The following MDGA1 variants were observed in gnomAD, a reference collection of about 807,000 sequenced individuals.
MDGA1 encodes the protein MAM domain containing glycosylphosphatidylinositol anchor 1, also known as MAM domain-containing glycosylphosphatidylinositol anchor protein 1.
In MDGA1, 54 loss-of-function variants were observed where a neutral mutation model predicts 101.5. The observed-to-expected ratio is 0.53, with a 90% CI of 0.43 to 0.67. The LOEUF (loss-of-function observed/expected upper bound fraction) is 0.67. MDGA1 is among the 30% of genes least tolerant of loss of function. MDGA1 has a pLI of 0.00. For missense variants in MDGA1, 1,083 were observed against 1,323.8 expected (o/e 0.82, Z 2.82); for synonymous variants, 533 against 558.3 (o/e 0.95, Z 0.64).
At chr6:37,669,451 G>A (rs2114064959) in intron 1 of MDGA1, among the ~76,000 whole-genome samples, 1 of 152,256 alleles carries the variant, frequency 6.6e-6, no homozygotes, top group African/African-American at 2.4e-5. Flanking sequence ...TTTGGTTCCA[G>A]GTACAGTTTT....
intron 9 of MDGA1, chr6:37,648,637 C>T: frequency 2.7e-6 from 1 of 363,928 alleles, no homozygotes; most frequent in Non-Finnish European, 4.9e-6. Flanking sequence ...TGTCACACGC[C>T]CAGGAAGCGG....
rs147273087 is a variant in MDGA1, at chr6:37,644,230, G to T, written c.2401+267C>A. 2.0e-4 allele frequency among the ~76,000 whole-genome samples: 30 copies of T among 152,134 alleles called. 1 individual carries two copies. Among genetic ancestry groups the T allele is most frequent in the Middle Eastern group, 3.4e-3 (1 of 294 alleles). ...GTGCTCATGAGTCCTTGGCTCTACT[G>T]TAATTCCTCTTCCTCTTGATCCTCT... On this transcript the variant is annotated intron_variant, in intron 13 of 16. Transcript: ENST00000434837.
At chr6:37,650,904 T>C (rs1032659098) in intron 7 of MDGA1, among the ~76,000 whole-genome samples, 1 of 152,220 alleles carries the variant, frequency 6.6e-6, no homozygotes, top group Non-Finnish European at 1.5e-5. Context: ...CAGCCTGCAT[T>C]ATCGTTAGCT....
In MDGA1 at chr6:37,635,921, G is replaced by A. The variant is rs544411873; in HGVS notation, c.*1447C>T. 3.4e-4 allele frequency: 135 copies of A among 396,938 alleles called. 1 individual carries two copies. The South Asian group carries it at 0.014, about 42-fold the overall frequency. 24.6% of individuals were successfully genotyped at this position (396,938 alleles called of 1,614,324 possible). On this transcript the variant is annotated 3_prime_UTR_variant, in exon 17 of 17. Coordinates refer to ENST00000434837, the MANE Select transcript of MDGA1 (RefSeq NM_153487.4). ...GACGTACACGGACATTCATAGAAAC[G>A]AATGGGTCTCAATCCAGTCTCACAG...
chr6:37,657,969 C>T (rs2114038098), intron 3 of MDGA1, among the ~76,000 whole-genome samples: 1 of 152,328 alleles, frequency 6.6e-6, no homozygotes, highest in Middle Eastern at 3.4e-3. Flanking sequence ...TCACATGGGA[C>T]CTCAGTTTTC....
chr6:37,632,670 A>T lies in MDGA1; in HGVS notation c.*4698T>A, dbSNP rs897223946. ...GGGGTGAGGATGGGGCTGTGTGACTAAAAAAACAACCCCAATCATTTCACC... is the reference window on the plus strand; with the variant it reads ...GGGGTGAGGATGGGGCTGTGTGACTTAAAAAACAACCCCAATCATTTCACC... On this transcript the variant is annotated 3_prime_UTR_variant, in exon 17 of 17. Coordinates refer to ENST00000434837, the MANE Select transcript of MDGA1 (RefSeq NM_153487.4). 1 of 152,586 alleles carries T rather than the reference A, an allele frequency of 6.6e-6. No homozygotes were observed. The highest frequency in any genetic ancestry group is 1.5e-5 in the Non-Finnish European group (1 of 68,028). 9.5% of individuals were successfully genotyped at this position (152,586 alleles called of 1,614,324 possible).
intron 1 of MDGA1, among the ~76,000 whole-genome samples, chr6:37,676,259 C>T (rs994470436): frequency 1.3e-5 from 2 of 152,216 alleles, no homozygotes; most frequent in Non-Finnish European, 2.9e-5. Context: ...AGACACACTG[C>T]CAGATCCAGG....
intron 1 of MDGA1, among the ~76,000 whole-genome samples, chr6:37,692,972 C>T (rs1271953895): frequency 1.3e-5 from 2 of 152,242 alleles, no homozygotes; most frequent in African/African-American, 2.4e-5. Context: ...GCTCTCCAGC[C>T]TGACACCAAG....
chr6:37,673,998 T>C (rs1439994966), intron 1 of MDGA1, among the ~76,000 whole-genome samples: 1 of 152,204 alleles, frequency 6.6e-6, no homozygotes, highest in South Asian at 2.1e-4. Flanking sequence ...CATTGATTCA[T>C]TAATTGGCTC....
chr6:37,679,965 C>T (rs777241478), intron 1 of MDGA1, among the ~76,000 whole-genome samples: 2 of 152,136 alleles, frequency 1.3e-5, no homozygotes, highest in African/African-American at 4.8e-5. Flanking sequence ...CCCACCTGAG[C>T]GAGAGATGGT....
At chr6:37,641,510 T>C (rs1313098564) in intron 14 of MDGA1, among the ~76,000 whole-genome samples, 1 of 152,216 alleles carries the variant, frequency 6.6e-6, no homozygotes, top group Non-Finnish European at 1.5e-5. Flanking sequence ...CCCAGGCTAA[T>C]GCCTCCAAAA....
intron 1 of MDGA1, among the ~76,000 whole-genome samples, chr6:37,664,796 C>T (rs564264056): frequency 6.7e-6 from 1 of 148,232 alleles, no homozygotes; most frequent in South Asian, 2.2e-4. Flanking sequence ...CCATAACTCC[C>T]CAGCCCCAAC....
intron 14 of MDGA1, among the ~76,000 whole-genome samples, chr6:37,640,481 G>A (rs1015754351): frequency 6.6e-6 from 1 of 151,988 alleles, no homozygotes; most frequent in African/African-American, 2.4e-5. Flanking sequence ...TAGGACCGTA[G>A]GCACGCACCA....
Position 37,652,294 on chromosome 6 carries a change from C to T in MDGA1, c.1029G>A (p.Glu343=). 1.9e-6 allele frequency: 3 copies of T among 1,613,918 alleles called. No individual in the cohort carries two copies. The South Asian group carries it at 3.3e-5, about 18-fold the overall frequency. Residue 343 remains glutamate (E), a synonymous_variant, in exon 7 of 17, where the codon GAG becomes GAA. Transcript: ENST00000434837. The surrounding 1 kb of genome is among the most constrained non-coding windows in gnomAD (Gnocchi z 4.3). ...TFQITPDVIK[E]SENIQLGQDL... ...CCTGGCCCAGCTGGATGTTCTCACT[C>T]TCTTTGATCACGTCAGGAGTGATCT...
chr6:37,638,105 C>T lies in MDGA1; in HGVS notation c.2776+100G>A. The T allele has an allele frequency of 1.1e-6, 1 of 896,802 alleles. No homozygotes were observed. 55.6% of individuals were successfully genotyped at this position (896,802 alleles called of 1,614,324 possible). A position where few individuals can be genotyped will look rare whatever the true frequency, so the allele number is the denominator to read the frequency against. On this transcript the variant is annotated intron_variant, in intron 16 of 16. Coordinates refer to ENST00000434837, the MANE Select transcript of MDGA1 (RefSeq NM_153487.4). The surrounding 1 kb of genome is among the most constrained non-coding windows in gnomAD (Gnocchi z 4.8). ...ATTCCCATCACTCAGACATTCTGAACCCCTATTCAGACCCAAACACCCTCC... is the reference window on the plus strand; with the variant it reads ...ATTCCCATCACTCAGACATTCTGAATCCCTATTCAGACCCAAACACCCTCC...
At chr6:37,667,573 C>T (rs1459528753) in intron 1 of MDGA1, among the ~76,000 whole-genome samples, 2 of 152,220 alleles carry the variant, frequency 1.3e-5, no homozygotes, top group African/African-American at 4.8e-5. Context: ...AGATAGCCAT[C>T]TGTGGCCAAA....
Position 37,650,359 on chromosome 6 carries a change from CA to C in MDGA1, c.1358del (p.Val453GlyfsTer52). ...GCAGCTCGGCAGGCGATCCCTCGCG[CA>C]CGGTCACCACGGCCCTACCCTTGGG... The part of the protein sequence containing the change: ...SVPKGRAVVT[V>X]REGSPAELQC... On this transcript the variant is annotated frameshift_variant, in exon 8 of 17. Coordinates refer to ENST00000434837, the MANE Select transcript of MDGA1 (RefSeq NM_153487.4). LOFTEE classifies it high-confidence loss of function. 1 of 1,572,820 alleles carries C rather than the reference CA, an allele frequency of 6.4e-7. No homozygotes were observed. The highest frequency in any genetic ancestry group is 8.6e-7 in the Non-Finnish European group (1 of 1,160,740).
chr6:37,690,029 G>A (rs572643594), intron 1 of MDGA1, among the ~76,000 whole-genome samples: 4 of 152,058 alleles, frequency 2.6e-5, no homozygotes, highest in African/African-American at 9.7e-5. Context: ...AGCCTTCAAG[G>A]CTCCAAATGA....
intron 2 of MDGA1, among the ~76,000 whole-genome samples, chr6:37,661,761 G>T (rs1360503596): frequency 6.6e-6 from 1 of 152,140 alleles, no homozygotes. Context: ...GAGCTTGAAT[G>T]AATCTGGTAA....
Sources: allele counts gnomAD v4.1 joint callset (sites outside exome capture counted in the v4.1 genomes callset), GRCh38; gene constraint gnomAD v4.1.1; non-coding constraint Gnocchi (gnomAD v3.1); transcripts MANE v1.5; gene names NCBI Gene and HGNC (gene_info 2026-07-23, HGNC 2026-07-21).